The following ZNF98 variants were observed in gnomAD, a reference collection of about 807,000 sequenced individuals.
The protein encoded by ZNF98 is zinc finger protein 739.
In ZNF98, 8 loss-of-function variants were observed where a neutral mutation model predicts 12.8. That is an observed-to-expected ratio of 0.63 (90% CI 0.37 to 1.13). The LOEUF is 1.13. Among genes scored for constraint, ZNF98 ranks in the 50% most tolerant of loss-of-function variants. ZNF98 has a pLI of 0.01. For synonymous variants in ZNF98, 112 were observed against 223.5 expected (o/e 0.50, Z 4.45); for missense variants, 379 against 666.1 (o/e 0.57, Z 4.74).
At chr19:22,399,421 C>A (rs1969432904) in intron 3 of ZNF98, among the ~76,000 whole-genome samples, 1 of 151,918 alleles carries the variant, frequency 6.6e-6, no homozygotes, top group Admixed American at 6.6e-5. Context: ...CTGCTGTAAT[C>A]CAAATTTAGA....
rs1448749243 is a variant in ZNF98, at chr19:22,392,971, A to T, written c.264T>A (p.Ser88=). ...EMVTEPPVVY[S]YFAQDLWPKQ... ...TTGGCCAAAGGTCTTGGGCAAAATA[A>T]GAATATACAACTGAAAGAAATAAAA... The change falls in exon 4 of 4, where the codon TCT becomes TCA. Residue 88 remains serine (S), a synonymous_variant. Transcript: ENST00000357774. The T allele has an allele frequency of 1.3e-6, 2 of 1,525,054 alleles. No homozygotes were observed. The highest frequency in any genetic ancestry group is 1.8e-6 in the Non-Finnish European group (2 of 1,142,150). 94.5% of individuals were successfully genotyped at this position (1,525,054 alleles called of 1,614,324 possible). A position where few individuals can be genotyped will look rare whatever the true frequency, so the allele number is the denominator to read the frequency against.
intron 3 of ZNF98, among the ~76,000 whole-genome samples, chr19:22,398,556 CAT>C: frequency 6.6e-6 from 1 of 151,940 alleles, no homozygotes; most frequent in Non-Finnish European, 1.5e-5. Context: ...ATGAGGTTTC[CAT>C]ATGTCTTCCA....
At chr19:22,414,232 CAAAAAAAAAAAAA>C (rs57966582) in intron 1 of ZNF98, among the ~76,000 whole-genome samples, 33 of 89,356 alleles carry the variant, frequency 3.7e-4, no homozygotes, top group East Asian at 6.5e-4. Context: ...GACTCCATCT[CAAAAAAAAAAAAA>C]AAAAAAAAAA....
intron 3 of ZNF98, among the ~76,000 whole-genome samples, chr19:22,393,931 A>G (rs1485059434): frequency 6.6e-6 from 1 of 151,862 alleles, no homozygotes; most frequent in African/African-American, 2.4e-5. Context: ...TATGCAATCT[A>G]CCCATCTGAC....
At chr19:22,412,351 A>C (rs1365222158) in intron 1 of ZNF98, among the ~76,000 whole-genome samples, 1 of 152,232 alleles carries the variant, frequency 6.6e-6, no homozygotes, top group African/African-American at 2.4e-5. Flanking sequence ...TTAAGGCAAG[A>C]ACCAAGAAGT....
chr19:22,412,280 T>C (rs8108891), intron 1 of ZNF98, among the ~76,000 whole-genome samples: 131,861 of 152,236 alleles, frequency 0.87, 57,261 homozygotes, highest in East Asian at 0.91. Context: ...TCACTTGAAT[T>C]ATACAAGTAC....
At chr19:22,393,362 A>T (rs2145106366) in intron 3 of ZNF98, among the ~76,000 whole-genome samples, 1 of 152,316 alleles carries the variant, frequency 6.6e-6, no homozygotes, top group South Asian at 2.1e-4. Context: ...TTTATTTCTC[A>T]ATGGCAAGGT....
rs1032019888 is a variant in ZNF98, at chr19:22,422,344, G to A, written c.-120C>T. The A allele has an allele frequency of 1.6e-6, 2 of 1,263,114 alleles. No individual in the cohort carries two copies. The highest frequency in any genetic ancestry group is 2.3e-6 in the Non-Finnish European group (2 of 877,982). 78.2% of individuals were successfully genotyped at this position (1,263,114 alleles called of 1,614,324 possible). On this transcript the variant is annotated 5_prime_UTR_variant, in exon 1 of 4. Coordinates refer to ENST00000357774, the MANE Select transcript of ZNF98 (RefSeq NM_001098626.2). ...AACTCCGGCTGCAGCGAGAGACAAA[G>A]ACCCCGCCACATCCCGGAAGCCGCC...
At chr19:22,412,641 A>T (rs1376649874) in intron 1 of ZNF98, among the ~76,000 whole-genome samples, 2 of 44,210 alleles carry the variant, frequency 4.5e-5, no homozygotes, top group African/African-American at 1.7e-4. Context: ...GTAAAATCTT[A>T]AAAAAAAAAA....
chr19:22,396,427 T>C (rs1271111578), intron 3 of ZNF98, among the ~76,000 whole-genome samples: 2 of 151,446 alleles, frequency 1.3e-5, no homozygotes, highest in Admixed American at 6.6e-5. Flanking sequence ...TAAAAGCATA[T>C]CAATACAAAA....
chr19:22,397,305 A>G (rs1485145936), intron 3 of ZNF98, among the ~76,000 whole-genome samples: 3 of 152,062 alleles, frequency 2.0e-5, no homozygotes, highest in East Asian at 1.9e-4. Context: ...AGAGAGCAAC[A>G]TAATTATAGT....
At chr19:22,396,641 G>A (rs1969397357) in intron 3 of ZNF98, among the ~76,000 whole-genome samples, 1 of 152,014 alleles carries the variant, frequency 6.6e-6, no homozygotes, top group East Asian at 1.9e-4. Context: ...AGTCAGTAGA[G>A]ATCTAATGAT....
chr19:22,415,556 T>C (rs1355131710), intron 1 of ZNF98, among the ~76,000 whole-genome samples: 1 of 145,756 alleles, frequency 6.9e-6, no homozygotes, highest in Non-Finnish European at 1.5e-5. Context: ...GTAAACTGCC[T>C]GAGCTCAAAA....
rs535544551 is a variant in ZNF98 at position 22,394,675 on chromosome 19, G to A, written c.254-1694C>T. ...CACAGGGCGGGGAACATCATACAACGGGGCCTGTTGGGGTGTGAGGGGCTG... is the reference window on the plus strand; with the variant it reads ...CACAGGGCGGGGAACATCATACAACAGGGCCTGTTGGGGTGTGAGGGGCTG... On this transcript the variant is annotated intron_variant, in intron 3 of 3. Transcript: ENST00000357774. 3.7e-4 allele frequency among the ~76,000 whole-genome samples: 56 copies of A among 151,976 alleles called. No individual in the cohort carries two copies. In the East Asian group the frequency reaches 7.6e-3, roughly 21 times the overall value.
intron 1 of ZNF98, among the ~76,000 whole-genome samples, chr19:22,406,296 C>T (rs1969517778): frequency 1.3e-5 from 2 of 152,068 alleles, no homozygotes; most frequent in Admixed American, 6.6e-5. Flanking sequence ...GTTCTCCAGC[C>T]TCCTTGAGTA....
At chr19:22,406,793 G>C (rs1969524624) in intron 1 of ZNF98, among the ~76,000 whole-genome samples, 1 of 149,290 alleles carries the variant, frequency 6.7e-6, no homozygotes, top group Admixed American at 6.8e-5. Context: ...CTCCAGCCTG[G>C]GCAACAGAGC....
At chr19:22,402,663 G>A in intron 3 of ZNF98, 126 bp downstream of exon 3, 1 of 1,142,662 alleles carries the variant, frequency 8.8e-7, no homozygotes, top group Non-Finnish European at 1.2e-6. Context: ...AAAAATTCAA[G>A]TTTCCTAGAA....
chr19:22,421,291 G>T (rs1014282391), intron 1 of ZNF98, among the ~76,000 whole-genome samples: 2 of 152,216 alleles, frequency 1.3e-5, no homozygotes, highest in African/African-American at 4.8e-5. Flanking sequence ...TGGCATTTGA[G>T]ATTTTCAGAA....
chr19:22,406,890 T>C (rs1228924360), intron 1 of ZNF98, among the ~76,000 whole-genome samples: 3 of 151,806 alleles, frequency 2.0e-5, no homozygotes, highest in African/African-American at 7.3e-5. Flanking sequence ...ATGATTGCAA[T>C]GCCTCTCCAG....
Sources: gnomAD v4.1 joint callset for allele counts (sites outside exome capture counted in the v4.1 genomes callset) on GRCh38, gnomAD v4.1.1 for gene constraint, MANE v1.5 for transcripts, NCBI Gene and HGNC (gene_info 2026-07-23, HGNC 2026-07-21) for gene names.